Variants in PDE1C observed in about 807,000 individuals in gnomAD.
The protein encoded by PDE1C is dual specificity calcium/calmodulin-dependent 3',5'-cyclic nucleotide phosphodiesterase 1C.
In PDE1C, 62 loss-of-function variants were observed where a neutral mutation model predicts 93.1. The observed-to-expected ratio is 0.67, with a 90% CI of 0.54 to 0.82. The LOEUF (loss-of-function observed/expected upper bound fraction) is 0.82, where lower values mean the gene tolerates loss of function less well. Among genes scored for constraint, PDE1C ranks in the 40% least tolerant of loss-of-function variants. PDE1C has a pLI of 0.00. For synonymous variants in PDE1C, 325 were observed against 310.1 expected (o/e 1.05, Z -0.50); for missense variants, 742 against 884.6 (o/e 0.84, Z 2.04).
At chr7:31,624,159 G>A in the PDE1C span, among the ~76,000 whole-genome samples, 54 of 150,784 alleles carry the variant, frequency 3.6e-4, no homozygotes, top group African/African-American at 1.2e-3. Flanking sequence ...ATGCTCATGG[G>A]TAGGAAGAGT....
the PDE1C span, among the ~76,000 whole-genome samples, chr7:31,704,883 G>T: frequency 1.3e-5 from 2 of 152,082 alleles, no homozygotes; most frequent in Non-Finnish European, 2.9e-5. Flanking sequence ...GGTTAAACCA[G>T]ACCAGTGCTT....
intron 2 of PDE1C, among the ~76,000 whole-genome samples, chr7:31,924,581 G>A (rs201368195): frequency 1.3e-4 from 13 of 100,310 alleles, no homozygotes; most frequent in African/African-American, 1.8e-4. Flanking sequence ...CAGGCACCTC[G>A]AAAGAGCCTT....
intron 17 of PDE1C, among the ~76,000 whole-genome samples, chr7:31,767,049 A>C (rs1795192124): frequency 6.6e-6 from 1 of 152,208 alleles, no homozygotes; most frequent in African/African-American, 2.4e-5. Context: ...ATCTAATCAA[A>C]TAATCTCTAT....
chr7:31,620,978 A>C, the PDE1C span, among the ~76,000 whole-genome samples: 1 of 148,178 alleles, frequency 6.7e-6, no homozygotes, highest in Admixed American at 6.7e-5. Flanking sequence ...CTCAGGAGCC[A>C]ATGCGATCAA....
intron 3 of PDE1C, among the ~76,000 whole-genome samples, chr7:32,076,797 CT>C (rs1255031759): frequency 6.6e-6 from 1 of 152,004 alleles, no homozygotes; most frequent in Non-Finnish European, 1.5e-5. Context: ...TGCCCATTGA[CT>C]TTTAGGTTAT....
intron 16 of PDE1C, chr7:31,790,392 C>T: frequency 1.5e-6 from 1 of 685,502 alleles, no homozygotes. Flanking sequence ...CATTTCCATA[C>T]TGGTCATTGC....
chr7:32,267,623 C>A (rs892083076), intron 1 of PDE1C, among the ~76,000 whole-genome samples: 3 of 135,400 alleles, frequency 2.2e-5, no homozygotes, highest in African/African-American at 8.0e-5. Flanking sequence ...CTCTCTCTCT[C>A]TAACAGCCCA....
intron 1 of PDE1C, among the ~76,000 whole-genome samples, chr7:32,227,078 C>T (rs965856532): frequency 6.6e-6 from 1 of 152,218 alleles, no homozygotes; most frequent in South Asian, 2.1e-4. Context: ...CCGCAGCCAA[C>T]CTTGCAGTCG....
At chr7:31,862,190 T>C (rs12701152) in intron 7 of PDE1C, among the ~76,000 whole-genome samples, 30,277 of 152,154 alleles carry the variant, frequency 0.2, 3,151 homozygotes, top group South Asian at 0.25. Flanking sequence ...AACACCCAGC[T>C]TTCCCTGGGT....
intron 2 of PDE1C, among the ~76,000 whole-genome samples, chr7:32,185,109 C>A (rs1315895328): frequency 2.1e-5 from 3 of 145,306 alleles, no homozygotes; most frequent in African/African-American, 8.0e-5. Flanking sequence ...GAAACTCTGT[C>A]CCCCCACAAA....
In PDE1C at chr7:32,241,516, T is replaced by C. The variant is rs576072154; in HGVS notation, c.86-31977A>G. On this transcript the variant is annotated intron_variant, in intron 1 of 18. Coordinates refer to the PDE1C transcript ENST00000396193. ...GAGTTGTGGTGGGGTGCAGGACTGG[T>C]GTAGACTGAAGAGAGAAAACTGAGT... 5.4e-4 allele frequency among the ~76,000 whole-genome samples: 82 copies of C among 152,218 alleles called. No homozygotes were observed. The Middle Eastern group carries it at 0.027, about 51-fold the overall frequency.
chr7:31,746,625 G>A (rs1794012120), downstream of PDE1C, among the ~76,000 whole-genome samples: 1 of 152,050 alleles, frequency 6.6e-6, no homozygotes. Context: ...TCAAATATAA[G>A]TATATTTCAG....
At chr7:31,965,000 A>T (rs1408248048) in intron 2 of PDE1C, among the ~76,000 whole-genome samples, 1 of 152,170 alleles carries the variant, frequency 6.6e-6, no homozygotes, top group African/African-American at 2.4e-5. Context: ...AACCACAAAG[A>T]TGGGGAAAAA....
intron 2 of PDE1C, among the ~76,000 whole-genome samples, chr7:32,006,983 G>A (rs977573994): frequency 1.3e-5 from 2 of 152,126 alleles, no homozygotes; most frequent in African/African-American, 4.8e-5. Flanking sequence ...TACCTCCCCC[G>A]TTACATTCAC....
At chr7:32,082,392 AAGG>A (rs1029260398) in intron 3 of PDE1C, among the ~76,000 whole-genome samples, 2 of 152,256 alleles carry the variant, frequency 1.3e-5, no homozygotes, top group Non-Finnish European at 1.5e-5. Flanking sequence ...ACCACAGCTC[AAGG>A]AGGCCTGCCT....
intron 3 of PDE1C, among the ~76,000 whole-genome samples, chr7:32,154,681 C>T (rs1011735146): frequency 6.6e-6 from 1 of 152,228 alleles, no homozygotes; most frequent in Admixed American, 6.5e-5. Context: ...GGAATCTCAG[C>T]TTTGTCTGAC....
chr7:31,671,429 G>C, the PDE1C span, among the ~76,000 whole-genome samples: 217 of 152,272 alleles, frequency 1.4e-3, 1 homozygote, highest in African/African-American at 3.8e-3. Context: ...ACCTGCAAAG[G>C]GGTCAGGGAG....
chr7:32,371,529 T>C (rs1784334226), intron 1 of PDE1C, among the ~76,000 whole-genome samples: 2 of 152,172 alleles, frequency 1.3e-5, no homozygotes, highest in African/African-American at 4.8e-5. Context: ...CAGCGAGCAT[T>C]TACTGAATGA....
intron 2 of PDE1C, among the ~76,000 whole-genome samples, chr7:31,922,960 T>G (rs1017206300): frequency 1.3e-5 from 2 of 152,186 alleles, no homozygotes. Flanking sequence ...TCTGCGTCTC[T>G]CTATATAAAG....
Sources: allele counts gnomAD v4.1 joint callset (sites outside exome capture counted in the v4.1 genomes callset), GRCh38; gene constraint gnomAD v4.1.1; transcripts MANE v1.5; gene names NCBI Gene and HGNC (gene_info 2026-07-23, HGNC 2026-07-21).